TTC28: variants seen among roughly 807,000 people sequenced by gnomAD.
TTC28 encodes the protein tetratricopeptide repeat protein 28.
TTC28 carries 61 observed loss-of-function variants against 198.0 expected under a neutral mutation model. That is an observed-to-expected ratio of 0.31 (90% CI 0.25 to 0.38). The LOEUF (loss-of-function observed/expected upper bound fraction) is 0.38, where lower values mean the gene tolerates loss of function less well. Among genes scored for constraint, TTC28 ranks in the 10% least tolerant of loss-of-function variants. TTC28 has a pLI of 1.00. For missense variants in TTC28, 2,678 were observed against 3,164.0 expected (o/e 0.85, Z 3.69); for synonymous variants, 1,171 against 1,297.8 (o/e 0.90, Z 2.10).
chr22:28,443,667 T>C (rs1484058150), intron 2 of TTC28, among the ~76,000 whole-genome samples: 1 of 152,168 alleles, frequency 6.6e-6, no homozygotes, highest in Non-Finnish European at 1.5e-5. Context: ...AATGACTTCC[T>C]TCCCTTCAGT....
intron 13 of TTC28, among the ~76,000 whole-genome samples, chr22:28,021,153 G>A (rs553385210): frequency 6.6e-6 from 1 of 152,330 alleles, no homozygotes; most frequent in East Asian, 1.9e-4. Context: ...GCTAAGAAAA[G>A]GGCTCTGGCT....
chr22:28,041,088 C>T (rs1939618452), intron 12 of TTC28, among the ~76,000 whole-genome samples: 1 of 152,088 alleles, frequency 6.6e-6, no homozygotes, highest in African/African-American at 2.4e-5. Context: ...AAAGAGGGCA[C>T]AAACAAATGG....
Position 28,107,675 on chromosome 22 carries a change from A to G in TTC28, c.2170T>C (p.Phe724Leu). 5 of 1,551,762 alleles carry G rather than the reference A, an allele frequency of 3.2e-6. No individual in the cohort carries two copies. The highest frequency in any genetic ancestry group is 2.6e-6 in the Non-Finnish European group (3 of 1,147,010). The change falls in exon 7 of 23, where the codon TTC becomes CTC. Residue 724 changes from phenylalanine to leucine, a missense_variant. Physicochemically the swap from Phe to Leu is conservative, Grantham distance 22. Transcript: ENST00000397906. Reference sequence around the variant, plus strand: ...CCATTTATATCTTTTTTACAGATGAATATATCGCCCAGGTTTCCTAGGGCT... The same window carrying G: ...CCATTTATATCTTTTTTACAGATGAGTATATCGCCCAGGTTTCCTAGGGCT... ...FRALGNLGDI[F>L]ICKKDINGAI... is the part of the protein sequence containing the mutation.
chr22:28,184,094 CTCTCTG>C (rs1157172474), intron 5 of TTC28, among the ~76,000 whole-genome samples: 2 of 152,144 alleles, frequency 1.3e-5, no homozygotes, highest in African/African-American at 4.8e-5. Flanking sequence ...GGAAGTTACT[CTCTCTG>C]TCTCTGTTTC....
intron 2 of TTC28, among the ~76,000 whole-genome samples, chr22:28,317,296 T>C (rs1601620446): frequency 6.6e-6 from 1 of 152,200 alleles, no homozygotes; most frequent in Non-Finnish European, 1.5e-5. Context: ...TGAGATTTCC[T>C]TGGTCTTTCA....
intron 2 of TTC28, among the ~76,000 whole-genome samples, chr22:28,446,863 A>G (rs906777359): frequency 3.9e-5 from 6 of 152,256 alleles, no homozygotes; most frequent in African/African-American, 1.4e-4. Flanking sequence ...TATAAACAGT[A>G]GGAAAAGGGT....
At chr22:28,224,534 T>C (rs928119402) in intron 5 of TTC28, among the ~76,000 whole-genome samples, 5 of 152,146 alleles carry the variant, frequency 3.3e-5, no homozygotes, top group Admixed American at 6.5e-5. Context: ...TCAGGAACTC[T>C]AGAAAGTTTC....
Position 28,053,596 on chromosome 22 carries a change from A to G in TTC28, c.3933-23230T>C, listed in dbSNP as rs75136088. Among the ~76,000 whole-genome samples, 1,487 of 152,330 alleles carry G rather than the reference A, an allele frequency of 9.8e-3. 26 individuals carry two copies. Among genetic ancestry groups the G allele is most frequent in the African/African-American group, 0.033 (1,387 of 41,564 alleles). On this transcript the variant is annotated intron_variant, in intron 12 of 22. Coordinates refer to ENST00000397906, the MANE Select transcript of TTC28 (RefSeq NM_001145418.2). The stretch of plus-strand genomic sequence containing the variant: ...TTGTGAAGCAATGTTAAATGAAGAA[A>G]TGCTGTTGTCCATTAAATAGAATCC...
At chr22:28,652,676 A>G (rs2051582144) in intron 1 of TTC28, among the ~76,000 whole-genome samples, 1 of 152,178 alleles carries the variant, frequency 6.6e-6, no homozygotes, top group Non-Finnish European at 1.5e-5. Flanking sequence ...AAGCTTTGAG[A>G]ATATAATTTG....
intron 2 of TTC28, among the ~76,000 whole-genome samples, chr22:28,337,462 T>C (rs1405062719): frequency 6.6e-6 from 1 of 152,164 alleles, no homozygotes; most frequent in Non-Finnish European, 1.5e-5. Context: ...CCATTATTAT[T>C]GTGTGGGGGT....
chr22:28,098,257 T>C (rs1942031657), intron 10 of TTC28, among the ~76,000 whole-genome samples: 1 of 152,178 alleles, frequency 6.6e-6, no homozygotes, highest in South Asian at 2.1e-4. Flanking sequence ...GATGTGTGGA[T>C]GAGGAAATAG....
Position 27,998,600 on chromosome 22 carries a change from C to A in TTC28, c.5059G>T (p.Gly1687Trp), listed in dbSNP as rs750848031. The A allele has an allele frequency of 6.4e-7, 1 of 1,550,716 alleles. No homozygotes were observed. The highest frequency in any genetic ancestry group is 2.0e-5 in the Admixed American group (1 of 50,990). ...CTCTGCACCACCTTCATGGCCTCCC[C>A]CAGGGCGGCGCTGGCTTTCAGGCCG... ...LNGLKASAAL[G>W]EAMKVVQSSK... Residue 1687 changes from glycine to tryptophan, a missense_variant, in exon 16 of 23, where the codon GGG (glycine) becomes TGG (tryptophan). By Grantham distance (184) the Gly-to-Trp change is radical. Transcript: ENST00000397906.
At chr22:28,677,989 A>G (rs1256853865) in intron 1 of TTC28, among the ~76,000 whole-genome samples, 2 of 152,112 alleles carry the variant, frequency 1.3e-5, no homozygotes, top group Non-Finnish European at 2.9e-5. Flanking sequence ...AAAAAATCAC[A>G]AAGACTACAA....
intron 5 of TTC28, among the ~76,000 whole-genome samples, chr22:28,293,510 G>A (rs763026750): frequency 4.8e-4 from 73 of 151,986 alleles, no homozygotes; most frequent in Non-Finnish European, 8.4e-4. Flanking sequence ...AAGGGTATAC[G>A]GTTTCAGTTA....
intron 5 of TTC28, among the ~76,000 whole-genome samples, chr22:28,250,825 G>A (rs1384680465): frequency 2.0e-5 from 3 of 152,128 alleles, no homozygotes; most frequent in Admixed American, 2.0e-4. Context: ...TTATCTGACT[G>A]ACAAACAAAC....
chr22:28,011,456 T>C (rs138666), intron 14 of TTC28, among the ~76,000 whole-genome samples: 50,611 of 151,860 alleles, frequency 0.33, 8,712 homozygotes, highest in East Asian at 0.44. Flanking sequence ...ATTAGCTGGG[T>C]GTGGTGGTGC....
At chr22:28,315,506 G>A (rs1487436065) in intron 2 of TTC28, among the ~76,000 whole-genome samples, 1 of 151,966 alleles carries the variant, frequency 6.6e-6, no homozygotes, top group Non-Finnish European at 1.5e-5. Context: ...AATTCTTATA[G>A]TTTTACTTGT....
intron 15 of TTC28, chr22:28,000,605 A>G (rs1233593915): frequency 1.3e-5 from 2 of 152,362 alleles, no homozygotes; most frequent in Admixed American, 1.3e-4. Context: ...GGATGCTGCA[A>G]GTGGAGTGCC....
At chr22:28,430,825 G>C (rs1471669584) in intron 2 of TTC28, among the ~76,000 whole-genome samples, 2 of 151,226 alleles carry the variant, frequency 1.3e-5, no homozygotes, top group Non-Finnish European at 2.9e-5. Flanking sequence ...TCACCGTCTG[G>C]ATTTCAGCTG....
Sources: allele counts gnomAD v4.1 joint callset (sites outside exome capture counted in the v4.1 genomes callset), GRCh38; gene constraint gnomAD v4.1.1; transcripts MANE v1.5; gene names NCBI Gene and HGNC (gene_info 2026-07-23, HGNC 2026-07-21).